Variants in AAK1 observed in about 807,000 individuals in gnomAD.
AAK1 encodes the protein AP2 associated kinase 1, also known as AP2-associated protein kinase 1.
A neutral mutation model predicts 116.0 loss-of-function variants in AAK1; 37 were observed. That is an observed-to-expected ratio of 0.32 (90% CI 0.25 to 0.42). AAK1 has a LOEUF of 0.42. Ranked by LOEUF, AAK1 falls within the 10% of genes least tolerant of loss-of-function variation. AAK1 has a pLI of 1.00. For synonymous variants in AAK1, 458 were observed against 439.9 expected (o/e 1.04, Z -0.51); for missense variants, 919 against 1,170.6 (o/e 0.79, Z 3.14).
At chr2:69,538,029 T>G (rs1670549807) in intron 5 of AAK1, among the ~76,000 whole-genome samples, 1 of 152,066 alleles carries the variant, frequency 6.6e-6, no homozygotes, top group African/African-American at 2.4e-5. Context: ...TACAATCAGC[T>G]CTCCTTATCT....
chr2:69,479,807 G>GT lies in AAK1; in HGVS notation c.2570-747dup, dbSNP rs529946383. ...GTCTCGCTCCAGCTCCCAGGCTGGA[G>GT]TGCAGTGGGACGACCTTGGCTCACC... On this transcript the variant is annotated intron_variant, in intron 19 of 21. Coordinates refer to ENST00000409085, the MANE Select transcript of AAK1 (RefSeq NM_014911.5). Among the ~76,000 whole-genome samples the GT allele has an allele frequency of 3.3e-5, 5 of 152,310 alleles. No homozygotes were observed. The East Asian group carries it at 9.6e-4, about 29-fold the overall frequency.
At chr2:69,548,503 CTT>C (rs1039006629) in intron 3 of AAK1, among the ~76,000 whole-genome samples, 2 of 148,064 alleles carry the variant, frequency 1.4e-5, no homozygotes, top group African/African-American at 5.0e-5. Context: ...TCTCTCCTTC[CTT>C]TCTCTCTTTC....
rs1374614099 is a variant in AAK1, at chr2:69,472,343, CA to C, written c.*3525del. 7.6e-5 allele frequency: 18 copies of C among 236,132 alleles called. No individual in the cohort carries two copies. Among genetic ancestry groups the C allele is most frequent in the African/African-American group, 4.2e-4 (18 of 43,068 alleles). The allele number at this position is 236,132 out of a possible 1,614,324, so 14.6% of individuals were successfully genotyped here. ...AAGAATATACTTCCAGGTGCTTTCT[CA>C]AAGTGATACTAATTAAATAATATAG... On this transcript the variant is annotated 3_prime_UTR_variant, in exon 22 of 22. Transcript: ENST00000409085.
intron 2 of AAK1, among the ~76,000 whole-genome samples, chr2:69,582,365 CCGTGTGTG>C (rs1672581581): frequency 6.6e-6 from 1 of 152,064 alleles, no homozygotes; most frequent in African/African-American, 2.4e-5. Flanking sequence ...TGAAAAACCT[CCGTGTGTG>C]CGTGTGTGTG....
chr2:69,506,335 C>T (rs1036933323), intron 15 of AAK1, among the ~76,000 whole-genome samples: 4 of 152,124 alleles, frequency 2.6e-5, no homozygotes, highest in Non-Finnish European at 4.4e-5. Flanking sequence ...GTACTATGCC[C>T]TATCTTCTGT....
At chr2:69,482,543 GA>G (rs1417088876) in intron 18 of AAK1, 167 bp downstream of exon 18, 1 of 726,420 alleles carries the variant, frequency 1.4e-6, no homozygotes, top group Non-Finnish European at 2.5e-6. Flanking sequence ...TTGTACCCCC[GA>G]AAAGCAAGGA....
rs80330455 is a variant in AAK1, at chr2:69,467,601, A to C, written c.*8268T>G. On this transcript the variant is annotated 3_prime_UTR_variant, in exon 22 of 22. Coordinates refer to ENST00000409085, the MANE Select transcript of AAK1 (RefSeq NM_014911.5). ...AGTTTCCCAACCCACCAGGATAAGAATATTAGATACAATGATTTGGAGCCA... is the reference window on the plus strand; with the variant it reads ...AGTTTCCCAACCCACCAGGATAAGACTATTAGATACAATGATTTGGAGCCA... 0.011 allele frequency: 10,777 copies of C among 985,380 alleles called. 569 individuals carry two copies. In the East Asian group the frequency reaches 0.2, roughly 18 times the overall value. The allele number at this position is 985,380 out of a possible 1,614,324, so 61.0% of individuals were successfully genotyped here. A position where few individuals can be genotyped will look rare whatever the true frequency, so the allele number is the denominator to read the frequency against.
At chr2:69,605,942 T>C (rs763926715) in intron 2 of AAK1, among the ~76,000 whole-genome samples, 7 of 152,160 alleles carry the variant, frequency 4.6e-5, no homozygotes, top group Non-Finnish European at 1.0e-4. Flanking sequence ...GCCTTCAGGA[T>C]GTGATCCAGA....
At chr2:69,501,506 A>G (rs1436369332) in intron 16 of AAK1, among the ~76,000 whole-genome samples, 1 of 152,216 alleles carries the variant, frequency 6.6e-6, no homozygotes, top group Non-Finnish European at 1.5e-5. Flanking sequence ...ATATTTTCAC[A>G]TGACAAAGCC....
At chr2:69,509,018 A>T (rs984312303) in intron 14 of AAK1, among the ~76,000 whole-genome samples, 5 of 152,250 alleles carry the variant, frequency 3.3e-5, no homozygotes, top group Admixed American at 6.5e-5. Context: ...CCATGCACTA[A>T]AGACAAATTC....
At chr2:69,641,444 C>T (rs1254182262) in intron 2 of AAK1, among the ~76,000 whole-genome samples, 1 of 152,184 alleles carries the variant, frequency 6.6e-6, no homozygotes, top group Non-Finnish European at 1.5e-5. Flanking sequence ...CCAAAGTCCA[C>T]GGGAAAGATC....
chr2:69,508,665 A>G (rs1354354827), intron 14 of AAK1, among the ~76,000 whole-genome samples: 1 of 152,260 alleles, frequency 6.6e-6, no homozygotes, highest in Non-Finnish European at 1.5e-5. Flanking sequence ...TATACATCAT[A>G]TCAGAGGAAG....
chr2:69,488,075 A>T (rs1675371520), intron 17 of AAK1, among the ~76,000 whole-genome samples: 1 of 151,508 alleles, frequency 6.6e-6, no homozygotes, highest in African/African-American at 2.4e-5. Context: ...TGCTCGGCCA[A>T]GTTTTGCATT....
intron 2 of AAK1, among the ~76,000 whole-genome samples, chr2:69,606,972 G>A (rs1673825016): frequency 6.6e-6 from 1 of 151,196 alleles, no homozygotes; most frequent in Admixed American, 6.6e-5. Context: ...AGGCTGAGGT[G>A]GGAGGATGGC....
intron 2 of AAK1, 71 bp from the exon 3 acceptor site, chr2:69,557,049 G>T: frequency 8.5e-7 from 1 of 1,182,620 alleles, no homozygotes. Flanking sequence ...TGTGGTGGCT[G>T]GAGGTTGCCA....
At chr2:69,514,406 T>G in intron 13 of AAK1, 65 bp downstream of exon 13, 1 of 1,460,042 alleles carries the variant, frequency 6.8e-7, no homozygotes, top group Non-Finnish European at 9.1e-7. Context: ...TTTCCCACCC[T>G]TCCCCTAGCT....
chr2:69,536,747 A>C (rs1177987641), intron 5 of AAK1, among the ~76,000 whole-genome samples: 1 of 152,072 alleles, frequency 6.6e-6, no homozygotes, highest in Non-Finnish European at 1.5e-5. Context: ...CCTCCTACTG[A>C]CCTCTTCATC....
At chr2:69,523,014 T>C (rs1669856989) in intron 10 of AAK1, among the ~76,000 whole-genome samples, 1 of 152,224 alleles carries the variant, frequency 6.6e-6, no homozygotes, top group African/African-American at 2.4e-5. Flanking sequence ...TCACCCTCTT[T>C]CAGCTTTGGG....
chr2:69,561,836 C>T (rs1343146652), intron 2 of AAK1, among the ~76,000 whole-genome samples: 1 of 152,146 alleles, frequency 6.6e-6, no homozygotes, highest in Non-Finnish European at 1.5e-5. Context: ...AAATGGAATC[C>T]TACAGTATAC....
Sources: gnomAD v4.1 joint callset for allele counts (sites outside exome capture counted in the v4.1 genomes callset) on GRCh38, gnomAD v4.1.1 for gene constraint, MANE v1.5 for transcripts, NCBI Gene and HGNC (gene_info 2026-07-23, HGNC 2026-07-21) for gene names.